Variants in SHROOM3 observed in about 807,000 individuals in gnomAD.
SHROOM3 encodes shroom family member 3, also known as protein Shroom3.
SHROOM3 carries 47 observed loss-of-function variants against 138.6 expected under a neutral mutation model. The observed-to-expected ratio is 0.34, with a 90% CI of 0.27 to 0.43. SHROOM3 has a LOEUF of 0.43. SHROOM3 is among the 20% of genes least tolerant of loss of function. The pLI is 1.00. For synonymous variants in SHROOM3, 1,062 were observed against 1,063.3 expected, an observed-to-expected ratio of 1.00 and a Z score of 0.02; for missense variants, 2,491 against 2,596.5, an observed-to-expected ratio of 0.96 and a Z score of 0.88.
At chr4:76,720,151 G>GTTTTTTTTTT (rs59839066) in intron 3 of SHROOM3, among the ~76,000 whole-genome samples, 2 of 83,016 alleles carry the variant, frequency 2.4e-5, no homozygotes, top group Non-Finnish European at 4.3e-5. Flanking sequence ...TGTTTTTTAG[G>GTTTTTTTTTT]TTTTTTTTTT....
intron 3 of SHROOM3, among the ~76,000 whole-genome samples, chr4:76,715,579 C>T (rs1720349873): frequency 6.6e-6 from 1 of 152,196 alleles, no homozygotes; most frequent in Admixed American, 6.5e-5. Context: ...CTTCTCATTC[C>T]TTCCTCACCT....
At chr4:76,750,694 G>C (rs552718402) in intron 6 of SHROOM3, among the ~76,000 whole-genome samples, 2 of 152,190 alleles carry the variant, frequency 1.3e-5, no homozygotes, top group East Asian at 3.9e-4. Flanking sequence ...AATAATTGAA[G>C]GTGACAGGTG....
chr4:76,604,032 G>A (rs1577912955), intron 2 of SHROOM3, among the ~76,000 whole-genome samples: 2 of 151,664 alleles, frequency 1.3e-5, no homozygotes, highest in South Asian at 2.1e-4. Context: ...TCACTATGTT[G>A]GCCAGGCTGG....
chr4:76,642,372 C>T (rs937730028), intron 2 of SHROOM3, among the ~76,000 whole-genome samples: 1 of 152,084 alleles, frequency 6.6e-6, no homozygotes, highest in Admixed American at 6.5e-5. Context: ...GAACAAGGGC[C>T]AGGATTTGAG....
Position 76,749,103 on chromosome 4 carries a change from A to C in SHROOM3, c.3827+13A>C, listed in dbSNP as rs780249031. The C allele has an allele frequency of 6.2e-7, 1 of 1,609,792 alleles. No homozygotes were observed. Among genetic ancestry groups the C allele is most frequent in the East Asian group, 2.2e-5 (1 of 44,852 alleles). ...GTCCTGGATCTAGGTATGTACATGT[A>C]CTTATGATGCTCTCTGCATATGAAT... On this transcript the variant is annotated intron_variant, in intron 6 of 10. Transcript: ENST00000296043.
chr4:76,621,402 C>T (rs1420331456), intron 2 of SHROOM3, among the ~76,000 whole-genome samples: 1 of 152,168 alleles, frequency 6.6e-6, no homozygotes, highest in Non-Finnish European at 1.5e-5. Flanking sequence ...AGAAGGATTG[C>T]TAATAGGAAT....
chr4:76,660,860 G>A (rs576997903), intron 2 of SHROOM3, among the ~76,000 whole-genome samples: 2 of 151,796 alleles, frequency 1.3e-5, no homozygotes, highest in Non-Finnish European at 2.9e-5. Flanking sequence ...TGAAGTGCAG[G>A]AGCACAATCA....
chr4:76,451,059 C>G (rs930618977), intron 1 of SHROOM3, among the ~76,000 whole-genome samples: 3 of 152,006 alleles, frequency 2.0e-5, no homozygotes, highest in Admixed American at 6.5e-5. Flanking sequence ...ACGCCATTCT[C>G]CTGCCTCAGC....
chr4:76,565,160 CAAAAA>C (rs1166896258), intron 2 of SHROOM3, among the ~76,000 whole-genome samples: 7 of 135,940 alleles, frequency 5.1e-5, no homozygotes, highest in Admixed American at 7.5e-5. Flanking sequence ...GACTCCATTT[CAAAAA>C]AAAAAAAAAA....
In SHROOM3 at chr4:76,738,940, G is replaced by A. The variant is rs149686763; in HGVS notation, c.767G>A (p.Arg256Lys). The A allele has an allele frequency of 4.6e-5, 75 of 1,614,234 alleles. No individual in the cohort carries two copies. The highest frequency in any genetic ancestry group is 5.8e-5 in the Non-Finnish European group (69 of 1,180,040). Residue 256 changes from arginine to lysine, a missense_variant, in exon 5 of 11, where the codon AGA becomes AAA. By Grantham distance (26) the Arg-to-Lys change is conservative. This residue lies in a region of SHROOM3 where 284 missense variants were observed against 322.8 expected (regional missense o/e 0.88). Transcript: ENST00000296043. Reference protein sequence around the residue: ...IDQLSHFHNKRDSAYSSFSTS... With the variant: ...IDQLSHFHNKKDSAYSSFSTS... ...CAGCTCAGCCACTTCCATAACAAGA[G>A]AGACTCGGCTTACAGCTCTTTCTCC...
chr4:76,474,079 G>A (rs751450549), intron 1 of SHROOM3, among the ~76,000 whole-genome samples: 5 of 152,080 alleles, frequency 3.3e-5, no homozygotes, highest in Admixed American at 6.6e-5. Flanking sequence ...AAAATATGGT[G>A]TACTCATTGA....
At position 76,436,060 on chromosome 4, in the gene SHROOM3, G is replaced by A. The variant is rs777211013; in HGVS notation, c.8G>A (p.Arg3Lys). The change falls in exon 1 of 11, where the codon AGG (arginine) becomes AAG (lysine). Residue 3 changes from arginine to lysine, a missense_variant. Physicochemically the swap from Arg to Lys is conservative, Grantham distance 26 (BLOSUM62 2). This residue lies in a region of SHROOM3 where 284 missense variants were observed against 322.8 expected (regional missense o/e 0.88). Coordinates refer to ENST00000296043, the MANE Select transcript of SHROOM3 (RefSeq NM_020859.4). Reference sequence around the variant, plus strand: ...AGGGATCATGTGTTTGGCATGATGAGGACCACTGAAGACTTCCACAAGCCT... The same window carrying A: ...AGGGATCATGTGTTTGGCATGATGAAGACCACTGAAGACTTCCACAAGCCT... MM[R>K]TTEDFHKPSA... 2 of 1,613,812 alleles carry A rather than the reference G, an allele frequency of 1.2e-6. No homozygotes were observed. Among genetic ancestry groups the A allele is most frequent in the Non-Finnish European group, 1.7e-6 (2 of 1,179,836 alleles).
At chr4:76,504,997 A>G (rs1221931590) in intron 1 of SHROOM3, among the ~76,000 whole-genome samples, 1 of 152,216 alleles carries the variant, frequency 6.6e-6, no homozygotes, top group Non-Finnish European at 1.5e-5. Flanking sequence ...AAGCAGTTTG[A>G]TTCTCTACAA....
intron 1 of SHROOM3, among the ~76,000 whole-genome samples, chr4:76,479,852 C>T (rs978082080): frequency 1.3e-5 from 2 of 152,090 alleles, no homozygotes; most frequent in African/African-American, 4.8e-5. Context: ...AATTTTCAAC[C>T]CAGAATTTCA....
intron 10 of SHROOM3, among the ~76,000 whole-genome samples, chr4:76,773,251 GTAA>G (rs755313338): frequency 6.6e-6 from 1 of 151,778 alleles, no homozygotes; most frequent in Non-Finnish European, 1.5e-5. Context: ...GCGGGTGCCT[GTAA>G]TCCCAGCTAC....
At chr4:76,589,475 AAAAAAAAAG>A (rs1281621303) in intron 2 of SHROOM3, among the ~76,000 whole-genome samples, 4 of 151,858 alleles carry the variant, frequency 2.6e-5, no homozygotes, top group African/African-American at 7.3e-5. Context: ...CTCATAAAAA[AAAAAAAAAG>A]AAAAAAGACT....
At chr4:76,662,107 C>G (rs1718518827) in intron 2 of SHROOM3, among the ~76,000 whole-genome samples, 1 of 152,210 alleles carries the variant, frequency 6.6e-6, no homozygotes, top group African/African-American at 2.4e-5. Context: ...CACGGCTGTG[C>G]ATGGCATCAT....
At chr4:76,532,039 T>C (rs568140709) in intron 1 of SHROOM3, among the ~76,000 whole-genome samples, 1 of 150,564 alleles carries the variant, frequency 6.6e-6, no homozygotes, top group Non-Finnish European at 1.5e-5. Flanking sequence ...GTATATCTCC[T>C]AATGCTATCC....
At chr4:76,631,203 CTTTT>C (rs71212436) in intron 2 of SHROOM3, among the ~76,000 whole-genome samples, 65 of 104,200 alleles carry the variant, frequency 6.2e-4, no homozygotes, top group Middle Eastern at 0.013. Flanking sequence ...TTTTTTTAAT[CTTTT>C]TTTTTTTTTT....
Sources: allele counts gnomAD v4.1 joint callset (sites outside exome capture counted in the v4.1 genomes callset), GRCh38; gene constraint gnomAD v4.1.1; regional missense constraint gnomAD v4.1.1; transcripts MANE v1.5; gene names NCBI Gene and HGNC (gene_info 2026-07-23, HGNC 2026-07-21).